Variants in TMEM44 observed in about 807,000 individuals in gnomAD.
TMEM44 encodes transmembrane protein 44.
In TMEM44, 43 loss-of-function variants were observed where a neutral mutation model predicts 47.8. That is an observed-to-expected ratio of 0.90 (90% CI 0.70 to 1.16). The LOEUF is 1.16. Among genes scored for constraint, TMEM44 ranks in the 50% most tolerant of loss-of-function variants. TMEM44 has a pLI of 0.00. For missense variants in TMEM44, 568 were observed against 555.2 expected (o/e 1.02, Z -0.23); for synonymous variants, 277 against 238.8 (o/e 1.16, Z -1.48).
At chr3:194,591,710 A>T (rs1292894835) in intron 9 of TMEM44, among the ~76,000 whole-genome samples, 5 of 151,538 alleles carry the variant, frequency 3.3e-5, no homozygotes, top group Non-Finnish European at 7.4e-5. Context: ...GGTTCAAGTG[A>T]TTCTCCTGCC....
At chr3:194,619,447 T>C (rs901406263) in intron 5 of TMEM44, among the ~76,000 whole-genome samples, 6 of 152,138 alleles carry the variant, frequency 3.9e-5, no homozygotes, top group Admixed American at 2.6e-4. Context: ...GCCTGGCACA[T>C]CCATGTAAGG....
chr3:194,599,640 G>A (rs1300229341), intron 9 of TMEM44, among the ~76,000 whole-genome samples: 3 of 145,802 alleles, frequency 2.1e-5, no homozygotes, highest in African/African-American at 2.5e-5. Flanking sequence ...GCTGGAATGC[G>A]GTGGCTTGAT....
chr3:194,615,554 G>A lies in TMEM44; in HGVS notation c.912+15C>T, dbSNP rs200870643. On this transcript the variant is annotated intron_variant, in intron 7 of 9. Transcript: ENST00000347147. ...AGAGTTTTCCAGCCAGAGAGACCTT[G>A]TCCTCGTTCCTCACCTCCTGGTTTT... 2 of 1,613,212 alleles carry A rather than the reference G, an allele frequency of 1.2e-6. No homozygotes were observed. Among genetic ancestry groups the A allele is most frequent in the Non-Finnish European group, 1.7e-6 (2 of 1,179,538 alleles).
rs771579637 is a variant in TMEM44, at chr3:194,615,103, G to A, written c.912+466C>T. Among the ~76,000 whole-genome samples, 17 of 152,198 alleles carry A rather than the reference G, an allele frequency of 1.1e-4. No individual in the cohort carries two copies. The East Asian group carries it at 1.2e-3, about 10-fold the overall frequency. On this transcript the variant is annotated intron_variant, in intron 7 of 9. Coordinates refer to ENST00000347147, the MANE Select transcript of TMEM44 (RefSeq NM_001011655.3). ...TAAAAATACAAAATATTAGCCGGGC[G>A]TGGTGACATGTGCCTGTAATCCCAG...
chr3:194,616,162 T>G (rs1477306386), intron 6 of TMEM44, among the ~76,000 whole-genome samples: 1 of 151,936 alleles, frequency 6.6e-6, no homozygotes, highest in Non-Finnish European at 1.5e-5. Context: ...AGCGATTCTC[T>G]CGCCTCAGCC....
rs998707142 is a variant in TMEM44, at chr3:194,633,178, T to G, written c.38A>C (p.Asp13Ala). Residue 13 changes from aspartate (D) to alanine (A), a missense_variant, in exon 1 of 10, where the codon GAC becomes GCC. By Grantham distance (126) the Asp-to-Ala change is moderately radical. Transcript: ENST00000347147. ...GAAGCAGCGGTCCAGGTAGTCCCAG[T>G]CCCAGAGCGCGGGCGCGGGGCTGGG... The part of the protein sequence containing the change: ...EAPSPAPALW[D>A]WDYLDRCFAR... The G allele has an allele frequency of 5.9e-6, 9 of 1,534,912 alleles. No individual in the cohort carries two copies. The African/African-American group carries it at 9.9e-5, about 17-fold the overall frequency.
chr3:194,630,374 G>A (rs112593939), intron 1 of TMEM44, among the ~76,000 whole-genome samples: 1 of 119,548 alleles, frequency 8.4e-6, no homozygotes, highest in Non-Finnish European at 1.7e-5. Context: ...CCTGCCTCCC[G>A]AAGGGGCTGG....
Position 194,594,592 on chromosome 3 carries a change from C to T in TMEM44, c.1177-5953G>A, listed in dbSNP as rs187609679. On this transcript the variant is annotated intron_variant, in intron 9 of 9. Transcript: ENST00000347147. ...GTGATAATTCCTTAGCATTCTTCATCTAACACTATCCTGCTGAGGGAACAT... is the reference window on the plus strand; with the variant it reads ...GTGATAATTCCTTAGCATTCTTCATTTAACACTATCCTGCTGAGGGAACAT... Among the ~76,000 whole-genome samples the T allele has an allele frequency of 7.2e-3, 1,082 of 150,820 alleles. 13 individuals are homozygous for T. Among genetic ancestry groups the T allele is most frequent in the African/African-American group, 0.023 (928 of 41,028 alleles).
At chr3:194,590,055 G>A (rs1712443615) in intron 9 of TMEM44, 1 of 152,220 alleles carries the variant, frequency 6.6e-6, no homozygotes, top group South Asian at 2.1e-4. Context: ...ACCCAGGCAT[G>A]GACATGCTCT....
rs1712040101 is a variant in TMEM44, at chr3:194,587,857, T to C, written c.*672A>G. ...ATGCATTTAGTTAGTTCCTGAAGCA[T>C]ACAGCCCCCTCACCTGCAAGCCCCG... is the stretch of plus-strand genomic sequence containing the variant. On this transcript the variant is annotated 3_prime_UTR_variant, in exon 10 of 10. Coordinates refer to ENST00000347147, the MANE Select transcript of TMEM44 (RefSeq NM_001011655.3). The C allele has an allele frequency of 6.6e-6, 1 of 152,444 alleles. No individual in the cohort carries two copies. Among genetic ancestry groups the C allele is most frequent in the Non-Finnish European group, 1.5e-5 (1 of 68,214 alleles). 9.4% of individuals were successfully genotyped at this position (152,444 alleles called of 1,614,324 possible).
At chr3:194,606,398 C>T (rs919205740) in intron 8 of TMEM44, among the ~76,000 whole-genome samples, 3 of 152,158 alleles carry the variant, frequency 2.0e-5, no homozygotes, top group Non-Finnish European at 4.4e-5. Context: ...AACAGGGTGC[C>T]TGTTTCCCCA....
chr3:194,617,299 G>GGGGGGGGGGGGGGGGC, intron 5 of TMEM44, 30 bp from the exon 6 acceptor site: 1 of 619,746 alleles, frequency 1.6e-6, no homozygotes, highest in Non-Finnish European at 2.7e-6. Context: ...GGCTGGGCGG[G>GGGGGGGGGGGGGGGGC]AGAAGCAGCA....
intron 5 of TMEM44, among the ~76,000 whole-genome samples, chr3:194,620,325 C>A (rs2108594653): frequency 6.6e-6 from 1 of 151,374 alleles, no homozygotes; most frequent in South Asian, 2.1e-4. Flanking sequence ...CCAGGAAGGG[C>A]CCACCCCCAA....
intron 9 of TMEM44, chr3:194,593,036 C>T (rs749033828): frequency 6.2e-7 from 1 of 1,613,872 alleles, no homozygotes; most frequent in Non-Finnish European, 8.5e-7. Context: ...CATGATCGTC[C>T]ATACCTGCTC....
chr3:194,621,218 G>T (rs904182927), intron 5 of TMEM44, among the ~76,000 whole-genome samples: 4 of 152,048 alleles, frequency 2.6e-5, no homozygotes, highest in Non-Finnish European at 5.9e-5. Context: ...GAAACCCAGG[G>T]TTACCACAAG....
Position 194,615,614 on chromosome 3 carries a change from G to T in TMEM44, c.867C>A (p.Thr289=). ...FAKEARESPD[T]QALLTCAEKE... is the part of the protein sequence containing the mutation. ...TCTCTGCACAGGTCAAAAGGGCTTG[G>T]GTGTCAGGGCTCTCTCTGGCTTCCT... is the stretch of plus-strand genomic sequence containing the variant. Residue 289 remains threonine, a synonymous_variant, in exon 7 of 10, where the codon ACC becomes ACA. Coordinates refer to ENST00000347147, the MANE Select transcript of TMEM44 (RefSeq NM_001011655.3). The T allele has an allele frequency of 6.2e-7, 1 of 1,614,136 alleles. No homozygotes were observed. Among genetic ancestry groups the T allele is most frequent in the Admixed American group, 1.7e-5 (1 of 60,026 alleles).
chr3:194,594,153 A>ATCTATCTATCTGTCTGTCTG (rs1553824444), intron 9 of TMEM44, among the ~76,000 whole-genome samples: 4,785 of 148,370 alleles, frequency 0.032, 140 homozygotes, highest in Non-Finnish European at 0.049. Context: ...CTATCTATCT[A>ATCTATCTATCTGTCTGTCTG]TCTATCTATC....
chr3:194,590,012 C>T (rs571943811), intron 9 of TMEM44: 2 of 152,224 alleles, frequency 1.3e-5, no homozygotes, highest in Non-Finnish European at 2.9e-5. Flanking sequence ...CTGTGTCTGC[C>T]TGGGCAGACG....
intron 1 of TMEM44, 69 bp downstream of exon 1, chr3:194,633,010 G>T: frequency 6.6e-7 from 1 of 1,513,430 alleles, no homozygotes; most frequent in Non-Finnish European, 8.9e-7. Flanking sequence ...CTAGGTTTCC[G>T]AGAGGGAGCA....
Sources: gnomAD v4.1 joint callset for allele counts (sites outside exome capture counted in the v4.1 genomes callset) on GRCh38, gnomAD v4.1.1 for gene constraint, MANE v1.5 for transcripts, NCBI Gene and HGNC (gene_info 2026-07-23, HGNC 2026-07-21) for gene names.